The following GEMIN7 variants were observed in gnomAD, a reference collection of about 807,000 sequenced individuals.
GEMIN7 encodes the protein gem-associated protein 7.
GEMIN7 carries 7 observed loss-of-function variants against 7.8 expected under a neutral mutation model. That is an observed-to-expected ratio of 0.90 (90% CI 0.51 to 1.69). The LOEUF is 1.69. Ranked by LOEUF, GEMIN7 falls within the 40% of genes most tolerant of loss-of-function variation. The probability of loss-of-function intolerance (pLI) is 0.00; values close to 1 mark genes in which losing one functional copy is unlikely to be tolerated. For synonymous variants in GEMIN7, 68 were observed against 72.4 expected (o/e 0.94, Z 0.31); for missense variants, 159 against 176.2 (o/e 0.90, Z 0.55).
chr19:45,080,519 A>T (rs1600132362), intron 2 of GEMIN7, among the ~76,000 whole-genome samples: 1 of 151,830 alleles, frequency 6.6e-6, no homozygotes, highest in Non-Finnish European at 1.5e-5. Context: ...GGGATTACAG[A>T]TGCGTGCCAC....
At position 45,080,523 on chromosome 19, in the gene GEMIN7, G is replaced by C. The variant is rs377477394; in HGVS notation, c.-9+494G>C. 1.7e-3 allele frequency among the ~76,000 whole-genome samples: 258 copies of C among 152,028 alleles called. 1 individual carries two copies. The highest frequency in any genetic ancestry group is 6.0e-3 in the African/African-American group (247 of 41,470). On this transcript the variant is annotated intron_variant, in intron 2 of 2. Transcript: ENST00000270257. ...CCTGCGTAGCTGGGATTACAGATGC[G>C]TGCCACCACATCCAGCTAATTTTTT...
In GEMIN7 at chr19:45,084,143, G is replaced by A. The variant is rs1459938443; in HGVS notation, c.-9+4114G>A. Reference sequence around the variant, plus strand: ...CGAGAATCGCTTGAACCCGGGAGGCGGACGTTGTAGTGAGCCAAGATCGCG... The same window carrying A: ...CGAGAATCGCTTGAACCCGGGAGGCAGACGTTGTAGTGAGCCAAGATCGCG... On this transcript the variant is annotated intron_variant, in intron 2 of 2. Transcript: ENST00000270257. 2.7e-5 allele frequency among the ~76,000 whole-genome samples: 4 copies of A among 149,800 alleles called. No homozygotes were observed. The South Asian group carries it at 6.3e-4, about 24-fold the overall frequency.
intron 2 of GEMIN7, among the ~76,000 whole-genome samples, chr19:45,083,938 C>T (rs941823933): frequency 1.3e-4 from 20 of 151,852 alleles, no homozygotes; most frequent in African/African-American, 2.9e-4. Flanking sequence ...AGGCCGGGCA[C>T]GGTGGCTCAC....
At chr19:45,086,405 G>A (rs1384701324) in intron 2 of GEMIN7, among the ~76,000 whole-genome samples, 1 of 152,194 alleles carries the variant, frequency 6.6e-6, no homozygotes, top group Non-Finnish European at 1.5e-5. Context: ...GCCACAGGGA[G>A]TGGTGCAGCT....
upstream of GEMIN7, among the ~76,000 whole-genome samples, chr19:45,078,093 T>C (rs1967391902): frequency 7.8e-6 from 1 of 127,572 alleles, no homozygotes. Context: ...GCCCTTATTT[T>C]ACTCTTTTTT....
upstream of GEMIN7, among the ~76,000 whole-genome samples, chr19:45,077,912 TAG>T (rs1295361310): frequency 6.6e-6 from 1 of 151,868 alleles, no homozygotes; most frequent in Non-Finnish European, 1.5e-5. Context: ...TATTTTTAAA[TAG>T]AGACAGGGAC....
intron 2 of GEMIN7, 129 bp downstream of exon 2, chr19:45,080,158 G>A (rs889745696): frequency 1.3e-5 from 2 of 152,200 alleles, no homozygotes; most frequent in South Asian, 4.1e-4. Context: ...CCTTGCCTTG[G>A]AGACTGAAAG....
intron 2 of GEMIN7, chr19:45,085,346 CTG>C (rs1967645314): frequency 6.6e-6 from 1 of 152,154 alleles, no homozygotes; most frequent in Admixed American, 6.5e-5. Flanking sequence ...TAAAAAAAAA[CTG>C]TATTGAGATG....
chr19:45,077,748 G>A (rs1309279788), upstream of GEMIN7, among the ~76,000 whole-genome samples: 4 of 152,094 alleles, frequency 2.6e-5, no homozygotes, highest in Admixed American at 6.6e-5. Context: ...ACCTCCATCT[G>A]TCCCCAGTTC....
At chr19:45,085,109 A>G (rs1370811632) in intron 2 of GEMIN7, among the ~76,000 whole-genome samples, 1 of 152,114 alleles carries the variant, frequency 6.6e-6, no homozygotes, top group Non-Finnish European at 1.5e-5. Flanking sequence ...TAGTACAGAC[A>G]GGGTTTCACC....
chr19:45,087,280 G>A (rs1384068852), intron 2 of GEMIN7, among the ~76,000 whole-genome samples: 1 of 152,220 alleles, frequency 6.6e-6, no homozygotes, highest in African/African-American at 2.4e-5. Context: ...AAGTAGCTGG[G>A]ATTACAGGCA....
chr19:45,075,659 G>T, upstream of GEMIN7: 1 of 1,597,466 alleles, frequency 6.3e-7, no homozygotes, highest in East Asian at 2.2e-5. Flanking sequence ...CCCCTTTCCA[G>T]CAGGAAGCCC....
intron 2 of GEMIN7, among the ~76,000 whole-genome samples, chr19:45,087,623 G>A (rs1421824800): frequency 6.6e-6 from 1 of 152,194 alleles, no homozygotes; most frequent in Non-Finnish European, 1.5e-5. Flanking sequence ...CTGAGGATCA[G>A]CGAGGAGGCC....
At chr19:45,087,080 C>T (rs998545411) in intron 2 of GEMIN7, among the ~76,000 whole-genome samples, 2 of 151,972 alleles carry the variant, frequency 1.3e-5, no homozygotes, top group African/African-American at 4.8e-5. Flanking sequence ...CTCTTGATCT[C>T]GTGATCCACC....
At chr19:45,077,040 G>C (rs933544978), upstream of GEMIN7, among the ~76,000 whole-genome samples, 8 of 152,142 alleles carry the variant, frequency 5.3e-5, no homozygotes, top group African/African-American at 1.9e-4. Context: ...AGGGTTACTG[G>C]GGTTGAGGGA....
chr19:45,090,082 C>T lies in GEMIN7; in HGVS notation c.-8-25C>T, dbSNP rs543054944. Reference sequence around the variant, plus strand: ...CCCCATGCTTACCATGTAATGACTTCCTGCTCTTTTTCTTCACTCAACAGC... The same window carrying T: ...CCCCATGCTTACCATGTAATGACTTTCTGCTCTTTTTCTTCACTCAACAGC... On this transcript the variant is annotated intron_variant, in intron 2 of 2. Transcript: ENST00000270257. 5 of 1,584,800 alleles carry T rather than the reference C, an allele frequency of 3.2e-6. No individual in the cohort carries two copies. The South Asian group carries it at 5.7e-5, about 18-fold the overall frequency.
chr19:45,076,674 G>A (rs915042653), upstream of GEMIN7: 1 of 277,176 alleles, frequency 3.6e-6, no homozygotes. This position sits in a 1 kb window ranked among gnomAD's most constrained non-coding sequence, Gnocchi z 4.9. Context: ...CATTGAAACA[G>A]CTATCCCTGA....
Position 45,086,468 on chromosome 19 carries a change from C to G in GEMIN7, c.-8-3639C>G, listed in dbSNP as rs568091991. 2.6e-5 allele frequency among the ~76,000 whole-genome samples: 4 copies of G among 152,276 alleles called. No homozygotes were observed. The East Asian group carries it at 7.7e-4, about 29-fold the overall frequency. ...GTCTGCACCCACAAGGCCAGCATTT[C>G]CCTATACACATTCAACATCATAGCA... On this transcript the variant is annotated intron_variant, in intron 2 of 2. Coordinates refer to ENST00000270257, the MANE Select transcript of GEMIN7 (RefSeq NM_024707.3).
chr19:45,084,908 A>C (rs7246959), intron 2 of GEMIN7, among the ~76,000 whole-genome samples: 85,014 of 152,116 alleles, frequency 0.56, 24,548 homozygotes, highest in African/African-American at 0.68. Context: ...GGCATGCACC[A>C]CCACTAATTA....
Sources: allele counts gnomAD v4.1 joint callset (sites outside exome capture counted in the v4.1 genomes callset), GRCh38; gene constraint gnomAD v4.1.1; non-coding constraint Gnocchi (gnomAD v3.1); transcripts MANE v1.5; gene names NCBI Gene and HGNC (gene_info 2026-07-23, HGNC 2026-07-21).